Variants in PSG6 observed in about 807,000 individuals in gnomAD.
PSG6 encodes pregnancy-specific beta-1-glycoprotein 6.
A neutral mutation model predicts 43.3 loss-of-function variants in PSG6; 51 were observed. The ratio of observed to expected loss-of-function variants is 1.18; its 90% CI spans 0.94 to 1.49. PSG6 has a LOEUF of 1.49. Among genes scored for constraint, PSG6 ranks in the 40% most tolerant of loss-of-function variants. PSG6 has a pLI of 0.00. For missense variants in PSG6, 770 were observed against 522.2 expected (o/e 1.47, Z -4.62); for synonymous variants, 292 against 197.6 (o/e 1.48, Z -4.01).
rs763752454 is a variant in PSG6, at chr19:42,916,456, G to A, written c.96C>T (p.Thr32=). The stretch of plus-strand genomic sequence containing the variant: ...TGGCTTCAATTATTACTTGGGCAGT[G>A]GTGGGCAGGTTCCAGAAGTTTAAAA... ...ASLLNFWNLP[T]TAQVIIEAKP... Residue 32 remains threonine, a synonymous_variant, in exon 2 of 6, where the codon ACC becomes ACT. Transcript: ENST00000187910. The A allele has an allele frequency of 7.4e-6, 12 of 1,611,550 alleles. 1 individual carries two copies. The highest frequency in any genetic ancestry group is 2.2e-5 in the South Asian group (2 of 90,516).
At chr19:42,915,114 A>G (rs555835600) in intron 2 of PSG6, among the ~76,000 whole-genome samples, 49 of 151,442 alleles carry the variant, frequency 3.2e-4, no homozygotes, top group Admixed American at 1.4e-3. Flanking sequence ...AGAGGAGAGG[A>G]TGGGCCTGTG....
chr19:42,907,566 G>T lies in PSG6; in HGVS notation c.985+10C>A. On this transcript the variant is annotated intron_variant, in intron 4 of 5. Coordinates refer to ENST00000187910, the MANE Select transcript of PSG6 (RefSeq NM_001031850.4). ...GTGTCCTGGCCCACAGAGGAACAAA[G>T]GATACTCACAGAGGACATTCAGGGT... 6.2e-7 allele frequency: 1 copy of T among 1,611,308 alleles called. No homozygotes were observed. Among genetic ancestry groups the T allele is most frequent in the Non-Finnish European group, 8.5e-7 (1 of 1,178,694 alleles).
At chr19:42,914,543 C>T (rs1336945295) in intron 2 of PSG6, among the ~76,000 whole-genome samples, 1 of 148,052 alleles carries the variant, frequency 6.8e-6, no homozygotes, top group Non-Finnish European at 1.5e-5. Context: ...ACCAAAGAGC[C>T]CTGAGAACCC....
intron 5 of PSG6, 89 bp from the exon 6 acceptor site, chr19:42,902,535 G>T (rs866262220): frequency 1.3e-6 from 2 of 1,554,088 alleles, no homozygotes; most frequent in South Asian, 2.4e-5. Flanking sequence ...CCCAGCAAGG[G>T]TGTGAAAGCA....
intron 3 of PSG6, chr19:42,910,240 AG>A (rs1972192688): frequency 2.1e-6 from 1 of 486,852 alleles, no homozygotes; most frequent in African/African-American, 1.9e-5. Flanking sequence ...GGTCTGTGGA[AG>A]GGACACAGTC....
chr19:42,912,616 A>C (rs903724296), intron 2 of PSG6, among the ~76,000 whole-genome samples: 10 of 151,890 alleles, frequency 6.6e-5, no homozygotes, highest in African/African-American at 2.4e-4. Context: ...ATATAGAAAG[A>C]ACCTGCTTCT....
At chr19:42,906,550 C>T in intron 5 of PSG6, 4 of 1,296,064 alleles carry the variant, frequency 3.1e-6, no homozygotes, top group Non-Finnish European at 4.0e-6. Flanking sequence ...TTCCTTGTAG[C>T]TCATGGAATA....
intron 4 of PSG6, 145 bp downstream of exon 4, chr19:42,907,431 T>G (rs1181896571): frequency 3.3e-6 from 5 of 1,502,550 alleles, no homozygotes; most frequent in Admixed American, 4.4e-5. Flanking sequence ...ACCCAGGATT[T>G]CCCAGGGCAG....
At chr19:42,911,806 T>C (rs10419290) in intron 2 of PSG6, among the ~76,000 whole-genome samples, 3,293 of 151,782 alleles carry the variant, frequency 0.022, 162 homozygotes, top group African/African-American at 0.075. Flanking sequence ...TTAGACATTC[T>C]ACTCTCTGAT....
rs116433230 is a variant in PSG6 at position 42,910,738 on chromosome 19, C to A, written c.548G>T (p.Gly183Val). The A allele has an allele frequency of 5.8e-4, 942 of 1,612,316 alleles. 26 individuals are homozygous for A. The African/African-American group carries it at 0.011, about 19-fold the overall frequency. Residue 183 changes from glycine (G) to valine (V), a missense_variant, in exon 3 of 6, where the codon GGT becomes GTT. Gly to Val is a moderately radical substitution (Grantham distance 109). Transcript: ENST00000187910. ...PDASYLWLLN[G>V]QNLPMTHRLQ... Reference sequence around the variant, plus strand: ...CCTGTGAGTCATAGGGAGGTTCTGACCATTCAGCAACCACAGGTAGCTTGC... The same window carrying A: ...CCTGTGAGTCATAGGGAGGTTCTGAACATTCAGCAACCACAGGTAGCTTGC...
chr19:42,906,927 A>G lies in PSG6; in HGVS notation c.1235T>C (p.Val412Ala), dbSNP rs1972122284. The G allele has an allele frequency of 1.9e-6, 3 of 1,612,144 alleles. No homozygotes were observed. The highest frequency in any genetic ancestry group is 3.3e-5 in the Admixed American group (2 of 59,858). ...GGATGCTGGGATCCACTTACCAGAG[A>G]CTTTGACTATCATGGATTTGGAGAT... ...KEISKSMIVK[V>A]SGPCHGNQTE... Residue 412 changes from valine (V) to alanine (A), a missense_variant, in exon 5 of 6, where the codon GTC (valine) becomes GCC (alanine). Val to Ala is a moderately conservative substitution (Grantham distance 64, BLOSUM62 0). Coordinates refer to ENST00000187910, the MANE Select transcript of PSG6 (RefSeq NM_001031850.4).
rs1253894900 is a variant in PSG6 at position 42,907,347 on chromosome 19, T to A, written c.986-171A>T. On this transcript the variant is annotated intron_variant, in intron 4 of 5. Transcript: ENST00000187910. ...CTGAGGTATTCCCCTGTTTCTCTCA[T>A]TACAAGCTGTGGGCCCCTAGTGTCC... is the stretch of plus-strand genomic sequence containing the variant. Among the ~76,000 whole-genome samples the A allele has an allele frequency of 1.3e-5, 2 of 151,904 alleles. 1 individual carries two copies. The highest frequency in any genetic ancestry group is 4.8e-5 in the African/African-American group (2 of 41,370).
chr19:42,902,433 T>G lies in PSG6; in HGVS notation c.1254A>C (p.Gly418=). 1 of 1,611,434 alleles carries G rather than the reference T, an allele frequency of 6.2e-7. No homozygotes were observed. Among genetic ancestry groups the G allele is most frequent in the East Asian group, 2.2e-5 (1 of 44,778 alleles). The part of the protein sequence containing the change: ...MIVKVSGPCH[G]NQTESH ...GCCATTAATGAGACTCTGTCTGGTTTCCATGGCAGGGACCTGATTGACAGA... is the reference window on the plus strand; with the variant it reads ...GCCATTAATGAGACTCTGTCTGGTTGCCATGGCAGGGACCTGATTGACAGA... The change falls in exon 6 of 6, where the codon GGA becomes GGC. Residue 418 remains glycine (G), a synonymous_variant. Coordinates refer to ENST00000187910, the MANE Select transcript of PSG6 (RefSeq NM_001031850.4).
Position 42,912,193 on chromosome 19 carries a change from A to C in PSG6, c.428-1335T>G, listed in dbSNP as rs180746412. Among the ~76,000 whole-genome samples, 44 of 151,750 alleles carry C rather than the reference A, an allele frequency of 2.9e-4. No homozygotes were observed. The East Asian group carries it at 8.5e-3, about 29-fold the overall frequency. On this transcript the variant is annotated intron_variant, in intron 2 of 5. Coordinates refer to ENST00000187910, the MANE Select transcript of PSG6 (RefSeq NM_001031850.4). ...TGGTCAGAAGTGTTGAGTTTTGAGC[A>C]TTTCAGATTGTGGATTTCTGGATTT...
chr19:42,915,971 C>T, intron 2 of PSG6, 154 bp downstream of exon 2: 3 of 1,299,952 alleles, frequency 2.3e-6, no homozygotes, highest in Non-Finnish European at 3.2e-6. Flanking sequence ...AAATGTGTCT[C>T]CTCTGTGTGT....
chr19:42,916,376 G>A lies in PSG6; in HGVS notation c.176C>T (p.Pro59Leu). The A allele has an allele frequency of 6.2e-7, 1 of 1,612,122 alleles. No homozygotes were observed. Residue 59 changes from proline to leucine, a missense_variant, in exon 2 of 6, where the codon CCC becomes CTC. Pro to Leu is a moderately conservative substitution (Grantham distance 98). Coordinates refer to ENST00000187910, the MANE Select transcript of PSG6 (RefSeq NM_001031850.4). ...CCAGATGTAGCCAGTAAGATTCTGG[G>A]GCAAATTGTGGACAAGTAGAAGAAC... ...KDVLLLVHNL[P>L]QNLTGYIWYK...
intron 2 of PSG6, among the ~76,000 whole-genome samples, chr19:42,913,210 G>A (rs970547459): frequency 1.3e-5 from 2 of 151,392 alleles, no homozygotes; most frequent in East Asian, 1.9e-4. Context: ...AGCTGCAGTG[G>A]CATGATCTCA....
chr19:42,910,448 A>G (rs1972196966), intron 3 of PSG6, 132 bp downstream of exon 3: 1 of 1,606,078 alleles, frequency 6.2e-7, no homozygotes, highest in Non-Finnish European at 8.5e-7. Context: ...TGGAGCAGAA[A>G]GTCATGGCCA....
At position 42,910,545 on chromosome 19, in the gene PSG6, G is replaced by A. The variant is rs1229282068; in HGVS notation, c.706+35C>T. On this transcript the variant is annotated intron_variant, in intron 3 of 5. Transcript: ENST00000187910. ...CCTCTGGCCACTTGTATTTGGGATG[G>A]CAGCCTGGCTCACAGAGGAACAGAA... 8 of 1,612,452 alleles carry A rather than the reference G, an allele frequency of 5.0e-6. No individual in the cohort carries two copies. The Admixed American group carries it at 6.7e-5, about 13-fold the overall frequency.
Sources: allele counts gnomAD v4.1 joint callset (sites outside exome capture counted in the v4.1 genomes callset), GRCh38; gene constraint gnomAD v4.1.1; transcripts MANE v1.5; gene names NCBI Gene and HGNC (gene_info 2026-07-23, HGNC 2026-07-21).